RELN: variants seen among roughly 807,000 people sequenced by gnomAD.
RELN encodes reelin.
Under a neutral mutation model 427.6 loss-of-function variants are expected in RELN, and 108 were observed. The ratio of observed to expected loss-of-function variants is 0.25; its 90% confidence interval spans 0.22 to 0.30. The LOEUF (loss-of-function observed/expected upper bound fraction) is 0.30, where lower values mean the gene tolerates loss of function less well. RELN is among the 10% of genes least tolerant of loss of function. RELN has a pLI of 1.00. For missense variants in RELN, 3,715 were observed against 4,302.8 expected, an observed-to-expected ratio of 0.86 and a Z score of 3.82; for synonymous variants, 1,524 against 1,513.4, an observed-to-expected ratio of 1.01 and a Z score of -0.16.
intron 1 of RELN, among the ~76,000 whole-genome samples, chr7:103,977,049 G>A (rs965784581): frequency 7.2e-4 from 109 of 152,050 alleles, no homozygotes; most frequent in African/African-American, 2.6e-3. Flanking sequence ...GGGAACTCAC[G>A]CCTGTAATCC....
chr7:103,906,246 G>A (rs1795201577), intron 2 of RELN, among the ~76,000 whole-genome samples: 1 of 151,912 alleles, frequency 6.6e-6, no homozygotes, highest in African/African-American at 2.4e-5. Context: ...CAGGTTGCAG[G>A]GCTCAGTCTG....
intron 1 of RELN, among the ~76,000 whole-genome samples, chr7:103,926,994 T>A (rs1795759651): frequency 6.6e-6 from 1 of 152,198 alleles, no homozygotes; most frequent in Middle Eastern, 3.2e-3. Flanking sequence ...AGTACTTCCA[T>A]ATGTTCATTT....
At chr7:103,593,956 T>G (rs937460000) in intron 26 of RELN, 74 bp from the exon 27 acceptor site, 1 of 1,158,396 alleles carries the variant, frequency 8.6e-7, no homozygotes, top group African/African-American at 1.5e-5. Context: ...TTTCATTTCA[T>G]GACATGCTGG....
At chr7:103,771,004 T>C (rs2116178759) in intron 4 of RELN, among the ~76,000 whole-genome samples, 1 of 147,262 alleles carries the variant, frequency 6.8e-6, no homozygotes, top group African/African-American at 2.5e-5. Flanking sequence ...AACCTCTGCC[T>C]CCCAGGTTTA....
At chr7:103,653,672 C>G (rs1179609996) in intron 13 of RELN, among the ~76,000 whole-genome samples, 1 of 152,032 alleles carries the variant, frequency 6.6e-6, no homozygotes, top group Non-Finnish European at 1.5e-5. Flanking sequence ...CAATCGGTAG[C>G]TCTAGTTAGC....
chr7:103,495,353 G>A (rs930648954), intron 57 of RELN, among the ~76,000 whole-genome samples: 2 of 151,766 alleles, frequency 1.3e-5, no homozygotes, highest in South Asian at 4.2e-4. Flanking sequence ...ATAGAGACAA[G>A]GTTTTGCCGT....
intron 10 of RELN, among the ~76,000 whole-genome samples, chr7:103,690,011 C>T (rs1833841010): frequency 6.6e-6 from 1 of 152,042 alleles, no homozygotes; most frequent in Non-Finnish European, 1.5e-5. Flanking sequence ...TTTACAGACA[C>T]AAAATGTTCA....
chr7:103,891,077 G>A (rs991573622), intron 2 of RELN, among the ~76,000 whole-genome samples: 1 of 152,010 alleles, frequency 6.6e-6, no homozygotes, highest in Admixed American at 6.6e-5. Flanking sequence ...GCAAGACTCT[G>A]TCTCAAAAAA....
intron 2 of RELN, 26 bp downstream of exon 2, chr7:103,917,049 A>C: frequency 6.4e-7 from 1 of 1,553,458 alleles, no homozygotes; most frequent in East Asian, 2.2e-5. Context: ...ATACCCCCAA[A>C]TTTCTGGTTT....
chr7:103,789,937 TG>T (rs57981458), intron 3 of RELN, among the ~76,000 whole-genome samples: 108,485 of 152,022 alleles, frequency 0.71, 39,106 homozygotes, highest in African/African-American at 0.8. Context: ...CCAATCCAAA[TG>T]GCCCATTAAT....
intron 1 of RELN, among the ~76,000 whole-genome samples, chr7:103,969,577 T>C (rs1339609402): frequency 6.6e-6 from 1 of 152,202 alleles, no homozygotes; most frequent in African/African-American, 2.4e-5. Flanking sequence ...GCCGAAAATC[T>C]AGGAAATAAA....
At chr7:103,772,445 G>A (rs1791593038) in intron 4 of RELN, among the ~76,000 whole-genome samples, 1 of 152,212 alleles carries the variant, frequency 6.6e-6, no homozygotes, top group African/African-American at 2.4e-5. Context: ...AAGATTAGAT[G>A]AGTTGTGAAG....
intron 3 of RELN, among the ~76,000 whole-genome samples, chr7:103,784,546 T>C (rs938207715): frequency 1.3e-5 from 2 of 152,306 alleles, no homozygotes; most frequent in East Asian, 1.9e-4. Flanking sequence ...GAAATTTTCC[T>C]GGTTTTTCCT....
At chr7:103,786,383 T>C (rs1251510734) in intron 3 of RELN, among the ~76,000 whole-genome samples, 1 of 151,670 alleles carries the variant, frequency 6.6e-6, no homozygotes, top group Non-Finnish European at 1.5e-5. Flanking sequence ...TGCCATGTCA[T>C]TAAGTACTTT....
At chr7:103,957,487 C>T (rs928952465) in intron 1 of RELN, among the ~76,000 whole-genome samples, 18 of 152,144 alleles carry the variant, frequency 1.2e-4, no homozygotes, top group Non-Finnish European at 2.2e-4. Context: ...GTGGCAATCT[C>T]GTATTATAGA....
chr7:103,491,864 A>T (rs112293593), intron 58 of RELN, 89 bp downstream of exon 58: 40 of 469,284 alleles, frequency 8.5e-5, no homozygotes, highest in African/African-American at 3.8e-4. Flanking sequence ...TCTCACACAC[A>T]CACACACACA....
rs184422849 is a variant in RELN, at chr7:103,796,256, C to T, written c.474-19629G>A. The stretch of plus-strand genomic sequence containing the variant: ...GAAACACTATGTGAGTATTTGGAAA[C>T]GCAAATGAGTTTGTTATTTTTCTGA... On this transcript the variant is annotated intron_variant, in intron 3 of 64. Transcript: ENST00000428762. Among the ~76,000 whole-genome samples the T allele has an allele frequency of 1.2e-4, 18 of 152,248 alleles. No individual in the cohort carries two copies. The East Asian group carries it at 1.4e-3, about 11-fold the overall frequency.
At chr7:103,746,092 G>C (rs1198925348) in intron 6 of RELN, among the ~76,000 whole-genome samples, 1 of 152,004 alleles carries the variant, frequency 6.6e-6, no homozygotes, top group Non-Finnish European at 1.5e-5. Context: ...GAACAGAACA[G>C]AGCCCTCAGA....
At chr7:103,920,974 C>T (rs1027162623) in intron 1 of RELN, among the ~76,000 whole-genome samples, 6 of 152,116 alleles carry the variant, frequency 3.9e-5, no homozygotes, top group African/African-American at 1.2e-4. Flanking sequence ...AGTGAGTAAA[C>T]TAAGCCAAAT....
Sources: gnomAD v4.1 joint callset for allele counts (sites outside exome capture counted in the v4.1 genomes callset) on GRCh38, gnomAD v4.1.1 for gene constraint, MANE v1.5 for transcripts, NCBI Gene and HGNC (gene_info 2026-07-23, HGNC 2026-07-21) for gene names.